The following PBX1 variants were observed in gnomAD, a reference collection of about 807,000 sequenced individuals.
PBX1 encodes PBX homeobox 1, also known as pre-B-cell leukemia transcription factor 1.
A neutral mutation model predicts 53.4 loss-of-function variants in PBX1; 6 were observed. That is an observed-to-expected ratio of 0.11 (90% CI 0.06 to 0.22). The LOEUF (loss-of-function observed/expected upper bound fraction) is 0.22, where lower values mean the gene tolerates loss of function less well. PBX1 is among the 10% of genes least tolerant of loss of function. PBX1 has a pLI of 1.00. For synonymous variants in PBX1, 204 were observed against 212.3 expected (o/e 0.96, Z 0.34); for missense variants, 251 against 551.4 (o/e 0.46, Z 5.46).
chr1:164,765,232 G>T (rs1162283198), intron 2 of PBX1, among the ~76,000 whole-genome samples: 1 of 152,162 alleles, frequency 6.6e-6, no homozygotes, highest in Non-Finnish European at 1.5e-5. Context: ...TTTTGTCTCT[G>T]CCCAGCAAGA....
intron 2 of PBX1, 60 bp downstream of exon 2, chr1:164,563,371 C>T: frequency 9.4e-7 from 1 of 1,065,736 alleles, no homozygotes; most frequent in Non-Finnish European, 1.4e-6. Flanking sequence ...ACTTAACCAG[C>T]AGTCACAAAT....
At chr1:164,698,378 T>G (rs1183493410) in intron 2 of PBX1, among the ~76,000 whole-genome samples, 1 of 152,224 alleles carries the variant, frequency 6.6e-6, no homozygotes, top group Non-Finnish European at 1.5e-5. Context: ...TACATTGTAG[T>G]TCTCATTCTT....
At chr1:164,766,553 TG>T (rs1402172562) in intron 2 of PBX1, among the ~76,000 whole-genome samples, 1 of 152,238 alleles carries the variant, frequency 6.6e-6, no homozygotes, top group African/African-American at 2.4e-5. Flanking sequence ...CACTTGCTCA[TG>T]GTCACACAGC....
intron 2 of PBX1, among the ~76,000 whole-genome samples, chr1:164,745,899 T>C (rs1349509564): frequency 6.6e-6 from 1 of 152,150 alleles, no homozygotes; most frequent in Non-Finnish European, 1.5e-5. Context: ...CAGCCAGAAT[T>C]AAATCATTGA....
At chr1:164,826,934 G>C (rs1005142980) in intron 8 of PBX1, among the ~76,000 whole-genome samples, 1 of 152,158 alleles carries the variant, frequency 6.6e-6, no homozygotes, top group Non-Finnish European at 1.5e-5. Flanking sequence ...GAAAAATAGA[G>C]ATGAAGCTTT....
chr1:164,832,076 TTACC>T (rs1239975336), intron 8 of PBX1, among the ~76,000 whole-genome samples: 5 of 152,206 alleles, frequency 3.3e-5, no homozygotes, highest in Non-Finnish European at 5.9e-5. Flanking sequence ...TATAGTGTGA[TTACC>T]TCACTATTAC....
chr1:164,666,943 GT>G (rs1660842961), intron 2 of PBX1, among the ~76,000 whole-genome samples: 1 of 152,172 alleles, frequency 6.6e-6, no homozygotes, highest in South Asian at 2.1e-4. Context: ...GCTTAGAGAT[GT>G]TATGGAACCC....
intron 2 of PBX1, among the ~76,000 whole-genome samples, chr1:164,737,738 C>T (rs1235715806): frequency 6.6e-6 from 1 of 152,182 alleles, no homozygotes; most frequent in African/African-American, 2.4e-5. Flanking sequence ...CTTGGCCTCC[C>T]AAAGTGCTGG....
At chr1:164,807,799 T>C (rs1669427961) in intron 5 of PBX1, 122 bp downstream of exon 5, 1 of 1,153,058 alleles carries the variant, frequency 8.7e-7, no homozygotes, top group Non-Finnish European at 1.2e-6. Flanking sequence ...GCTATAGCCT[T>C]AAAATATCAA....
chr1:164,755,952 G>A (rs1571344792), intron 2 of PBX1, among the ~76,000 whole-genome samples: 1 of 148,458 alleles, frequency 6.7e-6, no homozygotes, highest in Non-Finnish European at 1.5e-5. Context: ...GGGGCCCAAG[G>A]TAGCCTCCTG....
intron 2 of PBX1, among the ~76,000 whole-genome samples, chr1:164,759,066 C>T (rs1436649516): frequency 1.3e-5 from 2 of 152,198 alleles, no homozygotes; most frequent in Non-Finnish European, 2.9e-5. Flanking sequence ...CTTGATCCCA[C>T]TTCTGGAGAC....
intron 2 of PBX1, among the ~76,000 whole-genome samples, chr1:164,697,396 C>T (rs1364319177): frequency 6.6e-6 from 1 of 152,212 alleles, no homozygotes; most frequent in Non-Finnish European, 1.5e-5. Context: ...ATCACCTCTT[C>T]TACCATGCTC....
chr1:164,582,928 T>C (rs1202514422), intron 2 of PBX1, among the ~76,000 whole-genome samples: 1 of 152,246 alleles, frequency 6.6e-6, no homozygotes, highest in Non-Finnish European at 1.5e-5. Flanking sequence ...AGGATTTGTA[T>C]GCTCAGCCCA....
At chr1:164,658,950 T>G (rs1176070186) in intron 2 of PBX1, among the ~76,000 whole-genome samples, 1 of 152,176 alleles carries the variant, frequency 6.6e-6, no homozygotes, top group Non-Finnish European at 1.5e-5. Context: ...AGAGCCAGGA[T>G]TTGATCTCAG....
At chr1:164,602,921 C>G (rs207460549) in intron 2 of PBX1, among the ~76,000 whole-genome samples, 1 of 152,154 alleles carries the variant, frequency 6.6e-6, no homozygotes, top group African/African-American at 2.4e-5. Flanking sequence ...GTCCACGTCC[C>G]GTCCCGGCTG....
intron 2 of PBX1, among the ~76,000 whole-genome samples, chr1:164,863,390 C>T (rs975240049): frequency 6.6e-5 from 10 of 152,154 alleles, no homozygotes; most frequent in East Asian, 5.8e-4. Flanking sequence ...ACATGTTTCC[C>T]GAGAGCCTAC....
chr1:164,638,344 G>C (rs1658910973), intron 2 of PBX1, among the ~76,000 whole-genome samples: 1 of 152,228 alleles, frequency 6.6e-6, no homozygotes, highest in Non-Finnish European at 1.5e-5. Context: ...AAATACACAA[G>C]TGCATGTTTT....
chr1:164,592,167 C>T lies in PBX1; in HGVS notation c.265+28856C>T, dbSNP rs1264534057. Among the ~76,000 whole-genome samples, 2 of 152,018 alleles carry T rather than the reference C, an allele frequency of 1.3e-5. 1 individual carries two copies. The highest frequency in any genetic ancestry group is 3.9e-4 in the East Asian group (2 of 5,184). ...GCCTTTGTTCAAATCAAGTTGTGTTCAAGTCTGTGGTTTTAAGAGAGAGCA... is the reference window on the plus strand; with the variant it reads ...GCCTTTGTTCAAATCAAGTTGTGTTTAAGTCTGTGGTTTTAAGAGAGAGCA... On this transcript the variant is annotated intron_variant, in intron 2 of 8. Coordinates refer to ENST00000420696, the MANE Select transcript of PBX1 (RefSeq NM_002585.4).
intron 7 of PBX1, 151 bp downstream of exon 7, chr1:164,820,335 A>G (rs1314057888): frequency 5.2e-6 from 3 of 580,508 alleles, no homozygotes; most frequent in Non-Finnish European, 6.2e-6. Context: ...CAAGACAACC[A>G]TTGTCATGGG....
Sources: allele counts gnomAD v4.1 joint callset (sites outside exome capture counted in the v4.1 genomes callset), GRCh38; gene constraint gnomAD v4.1.1; transcripts MANE v1.5; gene names NCBI Gene and HGNC (gene_info 2026-07-23, HGNC 2026-07-21).